The following GDPD1 variants were observed in gnomAD, a reference collection of about 807,000 sequenced individuals.
GDPD1 encodes glycerophosphodiester phosphodiesterase domain containing 1.
Under a neutral mutation model 45.1 loss-of-function variants are expected in GDPD1, and 28 were observed. The observed-to-expected ratio is 0.62, with a 90% CI of 0.46 to 0.85. GDPD1 has a LOEUF of 0.85. GDPD1 is among the 40% of genes least tolerant of loss of function. GDPD1 has a pLI of 0.00. For synonymous variants in GDPD1, 139 were observed against 131.4 expected (o/e 1.06, Z -0.40); for missense variants, 256 against 364.8 (o/e 0.70, Z 2.43).
At chr17:59,266,838 A>G (rs2047402944) in intron 6 of GDPD1, among the ~76,000 whole-genome samples, 1 of 152,178 alleles carries the variant, frequency 6.6e-6, no homozygotes, top group African/African-American at 2.4e-5. Flanking sequence ...TTATACTATG[A>G]GGCTCCAAGA....
intron 9 of GDPD1, chr17:59,273,061 G>A: frequency 1.2e-5 from 8 of 681,252 alleles, no homozygotes; most frequent in Admixed American, 3.4e-5. Context: ...GATGCCAGAG[G>A]GGTGGGACAG....
chr17:59,241,135 A>C (rs2047172174), intron 2 of GDPD1, among the ~76,000 whole-genome samples: 1 of 152,160 alleles, frequency 6.6e-6, no homozygotes, highest in South Asian at 2.1e-4. Context: ...GTGTAAGTGC[A>C]CTCTGTGATG....
chr17:59,262,576 C>T (rs2047364889), intron 6 of GDPD1, among the ~76,000 whole-genome samples: 2 of 151,752 alleles, frequency 1.3e-5, no homozygotes, highest in Admixed American at 1.3e-4. Flanking sequence ...AGAGTGGGTA[C>T]CACTACAAGA....
At chr17:59,265,444 G>A (rs568393483) in intron 6 of GDPD1, among the ~76,000 whole-genome samples, 3 of 151,994 alleles carry the variant, frequency 2.0e-5, no homozygotes, top group South Asian at 4.1e-4. Flanking sequence ...AGTCTGAGGT[G>A]TGGGATCACT....
rs189235877 is a variant in GDPD1 at position 59,237,252 on chromosome 17, A to G, written c.185+2718A>G. ...CATCTCTAGAAAATGCACAAAAAAA[A>G]TTAACCGGGCGTGGTGGTGCAAGCT... is the stretch of plus-strand genomic sequence containing the variant. On this transcript the variant is annotated intron_variant, in intron 2 of 9. Transcript: ENST00000284116. Among the ~76,000 whole-genome samples, 385 of 152,150 alleles carry G rather than the reference A, an allele frequency of 2.5e-3. 4 individuals carry two copies. The highest frequency in any genetic ancestry group is 8.8e-3 in the African/African-American group (365 of 41,518).
intron 1 of GDPD1, among the ~76,000 whole-genome samples, chr17:59,223,211 T>C (rs1310526814): frequency 6.6e-6 from 1 of 152,244 alleles, no homozygotes; most frequent in East Asian, 1.9e-4. Context: ...TATAAAAATT[T>C]CCATTCATTA....
intron 4 of GDPD1, among the ~76,000 whole-genome samples, chr17:59,250,146 G>A (rs2047242002): frequency 6.6e-6 from 1 of 152,152 alleles, no homozygotes; most frequent in South Asian, 2.1e-4. Flanking sequence ...CAATTTCCAG[G>A]TAAGTTGAAG....
At chr17:59,234,610 A>G (rs1707499246) in intron 2 of GDPD1, 76 bp downstream of exon 2, 1 of 937,540 alleles carries the variant, frequency 1.1e-6, no homozygotes, top group African/African-American at 1.6e-5. Context: ...ATGATGATCC[A>G]CAAAGTGAGG....
intron 7 of GDPD1, among the ~76,000 whole-genome samples, chr17:59,267,642 A>G (rs999510508): frequency 1.2e-4 from 18 of 151,780 alleles, no homozygotes; most frequent in Admixed American, 5.3e-4. Flanking sequence ...TAGTTAGTTT[A>G]TATAGGATAC....
Position 59,268,596 on chromosome 17 carries a change from A to AG in GDPD1, c.710+1422_710+1423insG, listed in dbSNP as rs1555725462. Among the ~76,000 whole-genome samples the AG allele has an allele frequency of 3.7e-3, 531 of 144,550 alleles. 6 individuals carry two copies. Among genetic ancestry groups the AG allele is most frequent in the Non-Finnish European group, 6.4e-3 (426 of 66,078 alleles). 94.8% of individuals were successfully genotyped at this position (144,550 alleles called of 152,430 possible). A position where few individuals can be genotyped will look rare whatever the true frequency, so the allele number is the denominator to read the frequency against. ...TCTGTCTCAAAAAAAAAAAAAAAAAAAAAAAAGAAAAGAAAACACTTTTCA... is the reference window on the plus strand; with the variant it reads ...TCTGTCTCAAAAAAAAAAAAAAAAAAGAAAAAAGAAAAGAAAACACTTTTCA... On this transcript the variant is annotated intron_variant, in intron 7 of 9. Coordinates refer to ENST00000284116, the MANE Select transcript of GDPD1 (RefSeq NM_182569.4).
At chr17:59,262,570 T>A (rs931444678) in intron 6 of GDPD1, among the ~76,000 whole-genome samples, 1 of 151,270 alleles carries the variant, frequency 6.6e-6, no homozygotes, top group Middle Eastern at 3.2e-3. Context: ...GGGTAGAGAG[T>A]GGGTACCACT....
In GDPD1 at chr17:59,275,215, G is replaced by T. The variant is rs1261494925; in HGVS notation, c.*1442G>T. On this transcript the variant is annotated 3_prime_UTR_variant, in exon 10 of 10. Coordinates refer to ENST00000284116, the MANE Select transcript of GDPD1 (RefSeq NM_182569.4). ...TATTTCTAGGTGTACCTTAGTTAAA[G>T]AGGAAAAATAAAACGGAAAAAAGCT... The T allele has an allele frequency of 6.5e-7, 1 of 1,534,258 alleles. No homozygotes were observed. The highest frequency in any genetic ancestry group is 8.7e-7 in the Non-Finnish European group (1 of 1,144,344).
chr17:59,248,887 G>C (rs2047232705), intron 4 of GDPD1, 102 bp downstream of exon 4: 1 of 778,736 alleles, frequency 1.3e-6, no homozygotes, highest in African/African-American at 1.7e-5. Flanking sequence ...CTCTAAGTTT[G>C]TTCCCTCAGG....
At chr17:59,264,653 T>A (rs962680999) in intron 6 of GDPD1, among the ~76,000 whole-genome samples, 5 of 152,054 alleles carry the variant, frequency 3.3e-5, no homozygotes. Context: ...CCTTAGTGTA[T>A]GATTTTGCAA....
chr17:59,248,019 T>C (rs1200183742), intron 3 of GDPD1, among the ~76,000 whole-genome samples: 11 of 151,936 alleles, frequency 7.2e-5, no homozygotes, highest in Non-Finnish European at 1.0e-4. Flanking sequence ...AATATTTGTA[T>C]TTATAAAAGT....
intron 6 of GDPD1, among the ~76,000 whole-genome samples, chr17:59,261,448 T>G (rs1471174620): frequency 2.0e-5 from 3 of 152,080 alleles, no homozygotes; most frequent in African/African-American, 4.8e-5. Context: ...AATACATGCT[T>G]ACAAAAACCT....
intron 1 of GDPD1, among the ~76,000 whole-genome samples, chr17:59,223,187 A>G (rs766046423): frequency 3.3e-5 from 5 of 152,224 alleles, no homozygotes; most frequent in Admixed American, 1.3e-4. Flanking sequence ...AGGTCATTTC[A>G]ATATTACCTC....
At chr17:59,251,311 G>A (rs541056578) in intron 4 of GDPD1, among the ~76,000 whole-genome samples, 18 of 152,142 alleles carry the variant, frequency 1.2e-4, no homozygotes, top group Non-Finnish European at 2.5e-4. Context: ...CTGAGGTTAG[G>A]AGTTCGAGAC....
intron 4 of GDPD1, among the ~76,000 whole-genome samples, chr17:59,253,632 T>A (rs2047273008): frequency 6.6e-6 from 1 of 152,244 alleles, no homozygotes. Context: ...TAGTTTCATC[T>A]GTTTGACCTT....
Sources: gnomAD v4.1 joint callset for allele counts (sites outside exome capture counted in the v4.1 genomes callset) on GRCh38, gnomAD v4.1.1 for gene constraint, MANE v1.5 for transcripts, NCBI Gene and HGNC (gene_info 2026-07-23, HGNC 2026-07-21) for gene names.